SRCAP: variants seen among roughly 807,000 people sequenced by gnomAD.
SRCAP encodes Snf2 related CREBBP activator protein.
A neutral mutation model predicts 263.1 loss-of-function variants in SRCAP; 46 were observed. That is an observed-to-expected ratio of 0.17 (90% CI 0.14 to 0.22). The LOEUF is 0.22. Ranked by LOEUF, SRCAP falls within the 10% of genes least tolerant of loss-of-function variation. The pLI, the probability that SRCAP is intolerant of heterozygous loss-of-function variation, is 1.00. For missense variants in SRCAP, 3,695 were observed against 4,181.9 expected (o/e 0.88, Z 3.21); for synonymous variants, 1,813 against 1,662.1 (o/e 1.09, Z -2.21).
At position 30,723,980 on chromosome 16, in the gene SRCAP, A is replaced by G. The variant is rs758754208; in HGVS notation, c.4556A>G (p.Gln1519Arg). ...ACAGCTCCATCCCTGTCTTCATCTC[A>G]GACACCTGGTCACCCTCTGTTGTTG... ...LATAPSLSSS[Q>R]TPGHPLLLAP... Residue 1519 changes from glutamine (Q) to arginine (R), a missense_variant, in exon 25 of 34, where the codon CAG (glutamine) becomes CGG (arginine). Gln to Arg is a conservative substitution (Grantham distance 43, BLOSUM62 1). Transcript: ENST00000262518. The G allele has an allele frequency of 1.2e-6, 2 of 1,613,926 alleles. No homozygotes were observed. The highest frequency in any genetic ancestry group is 2.2e-5 in the East Asian group (1 of 44,892).
chr16:30,734,492 A>G lies in SRCAP; in HGVS notation c.6610-4A>G. ...CTGACACTTCCCTCTGTTCTATCCG[A>G]TAGCAGACCATCCGAGAGCTGTTTG... On this transcript the variant is annotated splice_region_variant and splice_polypyrimidine_tract_variant and intron_variant, in intron 30 of 33. Coordinates refer to ENST00000262518, the MANE Select transcript of SRCAP (RefSeq NM_006662.3). 6.2e-7 allele frequency: 1 copy of G among 1,613,936 alleles called. No homozygotes were observed.
At chr16:30,700,399 G>C (rs569208204) in intron 2 of SRCAP, among the ~76,000 whole-genome samples, 1 of 152,322 alleles carries the variant, frequency 6.6e-6, no homozygotes, top group East Asian at 1.9e-4. Context: ...TATTTGTTAT[G>C]CTGTGAAAAG....
In SRCAP at chr16:30,738,856, G is replaced by A; in HGVS notation, c.8816G>A (p.Arg2939Gln). ...PLLSPVEKRR[R>Q]GRPPKARDLP... The stretch of plus-strand genomic sequence containing the variant: ...CTGTCACCTGTGGAGAAAAGAAGGC[G>A]AGGACGACCCCCTAAAGCACGAGAT... The change falls in exon 34 of 34, where the codon CGA (arginine) becomes CAA (glutamine). Residue 2939 changes from arginine (R) to glutamine (Q), a missense_variant. Coordinates refer to ENST00000262518, the MANE Select transcript of SRCAP (RefSeq NM_006662.3). The A allele has an allele frequency of 6.2e-7, 1 of 1,614,130 alleles. No individual in the cohort carries two copies. Among genetic ancestry groups the A allele is most frequent in the Non-Finnish European group, 8.5e-7 (1 of 1,180,022 alleles).
Position 30,720,938 on chromosome 16 carries a change from C to T in SRCAP, c.3213C>T (p.Leu1071=). 2.5e-6 allele frequency: 4 copies of T among 1,613,132 alleles called. No individual in the cohort carries two copies. Among genetic ancestry groups the T allele is most frequent in the Non-Finnish European group, 3.4e-6 (4 of 1,179,446 alleles). ...CATCTCGGCCTCCTGGCCCTGTCCT[C>T]TTGCCTCCACTGCAGCCCAACAGTG... The part of the protein sequence containing the change: ...IPASRPPGPV[L]LPPLQPNSGS... Residue 1071 remains leucine, a synonymous_variant, in exon 20 of 34, where the codon CTC becomes CTT. Transcript: ENST00000262518.
In SRCAP at chr16:30,710,726, C is replaced by T. The variant is rs959412117; in HGVS notation, c.1135-28C>T. 1.6e-5 allele frequency: 25 copies of T among 1,611,884 alleles called. No homozygotes were observed. In the Middle Eastern group the frequency reaches 6.6e-4, roughly 42 times the overall value. ...TCTTCTGCTACTGTAACCTTAGACC[C>T]TTCCCTTTTTTATCTTTTGCCATAC... On this transcript the variant is annotated intron_variant, in intron 8 of 33. Coordinates refer to ENST00000262518, the MANE Select transcript of SRCAP (RefSeq NM_006662.3).
intron 17 of SRCAP, 36 bp downstream of exon 17, chr16:30,716,238 G>C: frequency 6.2e-7 from 1 of 1,613,594 alleles, no homozygotes; most frequent in Non-Finnish European, 8.5e-7. Context: ...TGGGACTCGA[G>C]ATTGGAGTGT....
In SRCAP at chr16:30,707,729, A is replaced by C. The variant is rs772410409; in HGVS notation, c.633+17A>C. The C allele has an allele frequency of 1.2e-6, 2 of 1,613,844 alleles. No individual in the cohort carries two copies. Among genetic ancestry groups the C allele is most frequent in the Non-Finnish European group, 1.7e-6 (2 of 1,179,764 alleles). ...GTGGAGAAGGTAGACAGTGGGGATC[A>C]GGAAAGGAAAATGGCCTTGGATTAG... On this transcript the variant is annotated intron_variant, in intron 6 of 33. Coordinates refer to ENST00000262518, the MANE Select transcript of SRCAP (RefSeq NM_006662.3).
Position 30,720,764 on chromosome 16 carries a change from C to A in SRCAP, c.3039C>A (p.Asn1013Lys). Residue 1013 changes from asparagine to lysine, a missense_variant, in exon 20 of 34, where the codon AAC becomes AAA. By Grantham distance (94) the Asn-to-Lys change is moderately conservative. Transcript: ENST00000262518. ...AAGGCCGGACAGTGGTGGTGGTGAACAACCCACGGGCGCCCCTGGGCCCTG... is the reference window on the plus strand; with the variant it reads ...AAGGCCGGACAGTGGTGGTGGTGAAAAACCCACGGGCGCCCCTGGGCCCTG... ...KQEGRTVVVV[N>K]NPRAPLGPVP... is the part of the protein sequence containing the mutation. 6.2e-7 allele frequency: 1 copy of A among 1,613,578 alleles called. No individual in the cohort carries two copies. The highest frequency in any genetic ancestry group is 1.1e-5 in the South Asian group (1 of 91,006).
In SRCAP at chr16:30,720,329, C is replaced by T. The variant is rs1217828093; in HGVS notation, c.2985C>T (p.Asn995=). The T allele has an allele frequency of 1.9e-6, 3 of 1,613,066 alleles. No individual in the cohort carries two copies. The highest frequency in any genetic ancestry group is 2.2e-5 in the East Asian group (1 of 44,854). ...PRPKPVKMKV[N]RMLQPVPKQE... is the part of the protein sequence containing the mutation. ...CCAAGCCAGTCAAGATGAAGGTCAA[C>T]AGGTACAAGGACTAAGGAATGAGGG... The change falls in exon 19 of 34, where the codon AAC becomes AAT. Residue 995 remains asparagine, a splice_region_variant and synonymous_variant. Transcript: ENST00000262518.
intron 18 of SRCAP, among the ~76,000 whole-genome samples, chr16:30,719,868 C>T (rs2052992824): frequency 6.6e-6 from 1 of 152,082 alleles, no homozygotes; most frequent in Non-Finnish European, 1.5e-5. Context: ...GGGTATATTG[C>T]ATGATGCTGA....
chr16:30,714,316 G>A (rs1434082778), intron 16 of SRCAP, among the ~76,000 whole-genome samples: 2 of 150,666 alleles, frequency 1.3e-5, no homozygotes, highest in African/African-American at 4.9e-5. Flanking sequence ...CGCCTGCCTC[G>A]GCCTCCCAAA....
Position 30,721,467 on chromosome 16 carries a change from C to T in SRCAP, c.3532C>T (p.Arg1178Cys), listed in dbSNP as rs200261271. Residue 1178 changes from arginine (R) to cysteine (C), a missense_variant, in exon 21 of 34, where the codon CGC becomes TGC. By Grantham distance (180) the Arg-to-Cys change is radical (BLOSUM62 -3). This residue lies in a region of SRCAP where 1,347 missense variants were observed against 1,304.4 expected (regional missense o/e 1.03). Transcript: ENST00000262518. ...CATTCTATCTCCCGATATGCAGGCT[C>T]GCCTGCCCTGTAAGTTCCCAGGGCT... ...RLILSPDMQA[R>C]LPSGEVVSIG... The T allele has an allele frequency of 1.6e-4, 256 of 1,609,326 alleles. No individual in the cohort carries two copies. The highest frequency in any genetic ancestry group is 6.7e-5 in the Admixed American group (4 of 60,008).
In SRCAP at chr16:30,738,105, A is replaced by G. The variant is rs926127838; in HGVS notation, c.8065A>G (p.Lys2689Glu). The G allele has an allele frequency of 5.0e-6, 8 of 1,613,984 alleles. No homozygotes were observed. The highest frequency in any genetic ancestry group is 6.8e-6 in the Non-Finnish European group (8 of 1,180,034). ...EAKTPTSSPE[K>E]PQELVTAEVA... is the part of the protein sequence containing the mutation. Reference sequence around the variant, plus strand: ...CAAGACCCCAACCTCCAGCCCAGAGAAGCCACAGGAACTCGTTACAGCTGA... The same window carrying G: ...CAAGACCCCAACCTCCAGCCCAGAGGAGCCACAGGAACTCGTTACAGCTGA... Residue 2689 changes from lysine to glutamate, a missense_variant, in exon 34 of 34, where the codon AAG becomes GAG. Lys to Glu is a moderately conservative substitution (Grantham distance 56). This residue lies in a region of SRCAP where 1,207 missense variants were observed against 1,142.9 expected (regional missense o/e 1.06). Transcript: ENST00000262518.
intron 18 of SRCAP, among the ~76,000 whole-genome samples, chr16:30,718,854 A>G (rs1269392127): frequency 6.7e-6 from 1 of 149,410 alleles, no homozygotes; most frequent in Non-Finnish European, 1.5e-5. Flanking sequence ...CCAATAAATC[A>G]TTGTAAAATT....
chr16:30,699,315 C>T (rs926856026), intron 1 of SRCAP, 73 bp downstream of exon 1: 9 of 398,130 alleles, frequency 2.3e-5, no homozygotes, highest in Admixed American at 4.4e-5. Context: ...TTAGGAATTT[C>T]CTTAAACACT....
At chr16:30,725,694 G>GATA (rs1392809819) in intron 25 of SRCAP, 1 of 152,384 alleles carries the variant, frequency 6.6e-6, no homozygotes, top group African/African-American at 2.4e-5. Flanking sequence ...TCTGCAAGTA[G>GATA]ATAATAGCCT....
At chr16:30,728,054 C>T (rs1003820419) in intron 25 of SRCAP, among the ~76,000 whole-genome samples, 2 of 152,262 alleles carry the variant, frequency 1.3e-5, no homozygotes, top group Non-Finnish European at 1.5e-5. Context: ...TTGGTTTTTC[C>T]GTCTGCTAGG....
rs1156767074 is a variant in SRCAP at position 30,716,528 on chromosome 16, C to T, written c.2817+49C>T. 4.6e-6 allele frequency: 7 copies of T among 1,531,832 alleles called. No individual in the cohort carries two copies. The South Asian group carries it at 6.1e-5, about 13-fold the overall frequency. The allele number at this position is 1,531,832 out of a possible 1,614,324, so 94.9% of individuals were successfully genotyped here. A position where few individuals can be genotyped will look rare whatever the true frequency, so the allele number is the denominator to read the frequency against. On this transcript the variant is annotated intron_variant, in intron 18 of 33. Coordinates refer to ENST00000262518, the MANE Select transcript of SRCAP (RefSeq NM_006662.3). ...AAATGTAAAGGTTATCGGCATTACT[C>T]CAACCATGTACCTCTTTTCGTTAGA...
chr16:30,726,115 G>A (rs540926741), intron 25 of SRCAP: 1 of 152,286 alleles, frequency 6.6e-6, no homozygotes, highest in Admixed American at 6.5e-5. Context: ...TGCCTATGGA[G>A]TCATAATGTA....
Sources: gnomAD v4.1 joint callset for allele counts (sites outside exome capture counted in the v4.1 genomes callset) on GRCh38, gnomAD v4.1.1 for gene constraint, gnomAD v4.1.1 regional missense constraint, MANE v1.5 for transcripts, NCBI Gene and HGNC (gene_info 2026-07-23, HGNC 2026-07-21) for gene names.